ZNF100: variants seen among roughly 807,000 people sequenced by gnomAD.
ZNF100 encodes zinc finger protein 100 (Y1).
In ZNF100, 12 loss-of-function variants were observed where a neutral mutation model predicts 15.8. The ratio of observed to expected loss-of-function variants is 0.76; its 90% CI spans 0.49 to 1.23. The LOEUF (loss-of-function observed/expected upper bound fraction) is 1.23. Among genes scored for constraint, ZNF100 ranks in the 50% most tolerant of loss-of-function variants. The pLI is 0.00. For synonymous variants in ZNF100, 226 were observed against 214.8 expected (o/e 1.05, Z -0.45); for missense variants, 670 against 635.6 (o/e 1.05, Z -0.58).
chr19:21,734,517 TAAAA>T (rs949021390), intron 4 of ZNF100, among the ~76,000 whole-genome samples: 2 of 151,210 alleles, frequency 1.3e-5, no homozygotes, highest in African/African-American at 4.9e-5. Context: ...AAAATAAAAA[TAAAA>T]AGGAATGAAA....
chr19:21,731,681 T>C (rs537762212), intron 4 of ZNF100, among the ~76,000 whole-genome samples: 1 of 152,194 alleles, frequency 6.6e-6, no homozygotes, highest in African/African-American at 2.4e-5. Context: ...CATCCAGGAT[T>C]TAAAAAGCAG....
intron 2 of ZNF100, among the ~76,000 whole-genome samples, chr19:21,765,252 G>C (rs931506113): frequency 2.6e-5 from 4 of 152,158 alleles, no homozygotes; most frequent in Admixed American, 2.6e-4. Context: ...GACAAACCCA[G>C]GTAGTGGCAG....
chr19:21,744,254 T>G, intron 3 of ZNF100, 139 bp from the exon 4 acceptor site: 1 of 814,728 alleles, frequency 1.2e-6, no homozygotes, highest in Non-Finnish European at 1.7e-6. Flanking sequence ...AATTTCTAAA[T>G]ATTTAGAAAA....
intron 4 of ZNF100, among the ~76,000 whole-genome samples, 153 bp from the exon 5 acceptor site, chr19:21,728,142 AAACC>A (rs901603186): frequency 1.3e-5 from 2 of 151,866 alleles, no homozygotes; most frequent in African/African-American, 4.8e-5. Flanking sequence ...AAAAAAAAAA[AAACC>A]AACCAAATTA....
chr19:21,744,180 T>G (rs1408611813), intron 3 of ZNF100, 65 bp from the exon 4 acceptor site: 4 of 1,354,332 alleles, frequency 3.0e-6, no homozygotes, highest in African/African-American at 1.5e-5. Flanking sequence ...AGTACTATGC[T>G]TAGTAAAGAG....
chr19:21,730,566 C>T (rs996596174), intron 4 of ZNF100, among the ~76,000 whole-genome samples: 4 of 138,492 alleles, frequency 2.9e-5, no homozygotes, highest in Admixed American at 1.5e-4. Flanking sequence ...TAGGACATTT[C>T]AATAACTTAC....
chr19:21,753,572 C>T (rs1050300625), intron 2 of ZNF100: 1 of 152,042 alleles, frequency 6.6e-6, no homozygotes, highest in Non-Finnish European at 1.5e-5. Flanking sequence ...GACATCCAGA[C>T]CCTATCTCAA....
intron 4 of ZNF100, among the ~76,000 whole-genome samples, chr19:21,738,979 C>G (rs1256974138): frequency 6.6e-6 from 1 of 152,136 alleles, no homozygotes; most frequent in Non-Finnish European, 1.5e-5. Flanking sequence ...TTTTAATGAA[C>G]CAGCTCTCAT....
At chr19:21,750,327 CTTCT>C (rs2036280804) in intron 2 of ZNF100, among the ~76,000 whole-genome samples, 1 of 152,142 alleles carries the variant, frequency 6.6e-6, no homozygotes, top group Admixed American at 6.5e-5. Flanking sequence ...GAAAAAGGGA[CTTCT>C]TTTTCAGCTC....
Position 21,725,543 on chromosome 19 carries a change from C to T in ZNF100, c.*1140G>A, listed in dbSNP as rs955751489. The T allele has an allele frequency of 1.3e-5, 2 of 151,996 alleles. No homozygotes were observed. Among genetic ancestry groups the T allele is most frequent in the African/African-American group, 2.4e-5 (1 of 41,366 alleles). 9.4% of individuals were successfully genotyped at this position (151,996 alleles called of 1,614,324 possible). A position where few individuals can be genotyped will look rare whatever the true frequency, so the allele number is the denominator to read the frequency against. On this transcript the variant is annotated 3_prime_UTR_variant, in exon 5 of 5. Coordinates refer to ENST00000358296, the MANE Select transcript of ZNF100 (RefSeq NM_173531.4). ...TTCATAGCAAAGTTTATAAATAATGCTCACCTAATAAAAAAGAATCTCTCA... is the reference window on the plus strand; with the variant it reads ...TTCATAGCAAAGTTTATAAATAATGTTCACCTAATAAAAAAGAATCTCTCA...
chr19:21,751,018 G>A, intron 2 of ZNF100: 1 of 1,284,460 alleles, frequency 7.8e-7, no homozygotes, highest in Non-Finnish European at 1.1e-6. Context: ...CGCAGCGGGC[G>A]AGGGCCACCA....
intron 2 of ZNF100, chr19:21,751,616 CA>C (rs1182106925): frequency 4.3e-5 from 66 of 1,543,390 alleles, no homozygotes; most frequent in Middle Eastern, 1.7e-4. Flanking sequence ...GGACTACTGC[CA>C]GATCCTCAAG....
At chr19:21,736,292 C>G (rs1432759413) in intron 4 of ZNF100, among the ~76,000 whole-genome samples, 2 of 151,936 alleles carry the variant, frequency 1.3e-5, no homozygotes, top group African/African-American at 4.8e-5. Flanking sequence ...TTCACCATGT[C>G]TAGGCTGGTC....
At chr19:21,758,022 A>T (rs2036417986) in intron 2 of ZNF100, among the ~76,000 whole-genome samples, 1 of 152,158 alleles carries the variant, frequency 6.6e-6, no homozygotes, top group Non-Finnish European at 1.5e-5. Context: ...TGACAGAGTG[A>T]GACACTGTCT....
intron 4 of ZNF100, among the ~76,000 whole-genome samples, chr19:21,741,003 T>TGA (rs2036096997): frequency 1.3e-5 from 2 of 152,184 alleles, no homozygotes. Context: ...GTCAAAAGGC[T>TGA]GAGGCAACCC....
chr19:21,728,328 G>A (rs867532224), intron 4 of ZNF100, among the ~76,000 whole-genome samples: 1 of 152,008 alleles, frequency 6.6e-6, no homozygotes, highest in African/African-American at 2.4e-5. Flanking sequence ...TTAATGACAA[G>A]TAAAATACTG....
rs530956680 is a variant in ZNF100 at position 21,764,835 on chromosome 19, G to T, written c.96+859C>A. Reference sequence around the variant, plus strand: ...CAGGATCTGAACACAGATATTCACTGTCACAAATTTACCCTGAAAAAAAAG... The same window carrying T: ...CAGGATCTGAACACAGATATTCACTTTCACAAATTTACCCTGAAAAAAAAG... On this transcript the variant is annotated intron_variant, in intron 2 of 4. Transcript: ENST00000358296. Among the ~76,000 whole-genome samples the T allele has an allele frequency of 2.6e-5, 4 of 151,966 alleles. No homozygotes were observed. The East Asian group carries it at 7.7e-4, about 29-fold the overall frequency.
rs190405707 is a variant in ZNF100, at chr19:21,739,086, G to A, written c.322+4931C>T. Among the ~76,000 whole-genome samples, 63 of 152,290 alleles carry A rather than the reference G, an allele frequency of 4.1e-4. 1 individual carries two copies. In the East Asian group the frequency reaches 0.012, roughly 29 times the overall value. ...CCATGACCTAAACACCTCCCTACCAGGTTCCACATCCAACATTGGGGATTA... is the reference window on the plus strand; with the variant it reads ...CCATGACCTAAACACCTCCCTACCAAGTTCCACATCCAACATTGGGGATTA... On this transcript the variant is annotated intron_variant, in intron 4 of 4. Transcript: ENST00000358296.
At chr19:21,763,057 G>C (rs923587546) in intron 2 of ZNF100, among the ~76,000 whole-genome samples, 1 of 152,128 alleles carries the variant, frequency 6.6e-6, no homozygotes, top group Non-Finnish European at 1.5e-5. Context: ...AAATGGGGAG[G>C]CATAAATACT....
Sources: gnomAD v4.1 joint callset for allele counts (sites outside exome capture counted in the v4.1 genomes callset) on GRCh38, gnomAD v4.1.1 for gene constraint, MANE v1.5 for transcripts, NCBI Gene and HGNC (gene_info 2026-07-23, HGNC 2026-07-21) for gene names.